The following GALNT14 variants were observed in gnomAD, a reference collection of about 807,000 sequenced individuals.
GALNT14 encodes the protein UDP-GalNAc:polypeptide N-acetylgalactosaminyltransferase 14.
A neutral mutation model predicts 77.5 loss-of-function variants in GALNT14; 60 were observed. The observed-to-expected ratio is 0.77, with a 90% CI of 0.63 to 0.96. GALNT14 has a LOEUF of 0.96. Among genes scored for constraint, GALNT14 ranks in the 40% least tolerant of loss-of-function variants. The pLI is 0.00. For missense variants in GALNT14, 710 were observed against 731.0 expected (o/e 0.97, Z 0.33); for synonymous variants, 280 against 281.7 (o/e 0.99, Z 0.06).
At chr2:30,964,962 T>C (rs1461530355) in intron 3 of GALNT14, among the ~76,000 whole-genome samples, 1 of 152,182 alleles carries the variant, frequency 6.6e-6, no homozygotes, top group Non-Finnish European at 1.5e-5. Flanking sequence ...GTGTGCTCTC[T>C]GACCCATGTT....
At chr2:31,041,954 G>A (rs1673119433) in intron 1 of GALNT14, among the ~76,000 whole-genome samples, 1 of 152,126 alleles carries the variant, frequency 6.6e-6, no homozygotes, top group Non-Finnish European at 1.5e-5. Context: ...GGGTAAAACA[G>A]GAAGCACAGG....
At chr2:31,115,316 T>C (rs963839547) in intron 1 of GALNT14, among the ~76,000 whole-genome samples, 1 of 151,962 alleles carries the variant, frequency 6.6e-6, no homozygotes, top group Non-Finnish European at 1.5e-5. Flanking sequence ...TTGCCAAGTG[T>C]CCGAGGCAGA....
chr2:30,998,716 T>C (rs1670184407), intron 1 of GALNT14, among the ~76,000 whole-genome samples: 1 of 152,228 alleles, frequency 6.6e-6, no homozygotes, highest in South Asian at 2.1e-4. Context: ...TCCCAAGTCC[T>C]GTGTCTGATA....
At chr2:30,973,615 GAAA>G (rs36024756) in intron 2 of GALNT14, among the ~76,000 whole-genome samples, 15 of 152,086 alleles carry the variant, frequency 9.9e-5, no homozygotes, top group African/African-American at 3.4e-4. Flanking sequence ...CTTTAGAAGA[GAAA>G]AATGCAAGCA....
intron 1 of GALNT14, among the ~76,000 whole-genome samples, chr2:31,096,908 T>G (rs1677029242): frequency 6.6e-6 from 1 of 152,106 alleles, no homozygotes. Context: ...GGAATCCAGG[T>G]CCCCACTTTA....
intron 1 of GALNT14, among the ~76,000 whole-genome samples, chr2:31,065,738 C>T (rs1015567135): frequency 4.1e-4 from 62 of 152,252 alleles, no homozygotes; most frequent in Non-Finnish European, 8.5e-4. Flanking sequence ...TGCTGGGGAG[C>T]CTCTGACCTT....
intron 1 of GALNT14, among the ~76,000 whole-genome samples, chr2:31,015,019 G>A (rs981117799): frequency 2.0e-5 from 3 of 152,182 alleles, no homozygotes; most frequent in Non-Finnish European, 4.4e-5. Context: ...GCCGGGCACC[G>A]TGGCTCATGC....
At chr2:30,992,178 G>A (rs144011750) in intron 2 of GALNT14, among the ~76,000 whole-genome samples, 44 of 152,216 alleles carry the variant, frequency 2.9e-4, no homozygotes, top group African/African-American at 1.1e-3. Flanking sequence ...ATAAAGGGTC[G>A]GTCGTGAGGC....
intron 1 of GALNT14, among the ~76,000 whole-genome samples, chr2:31,137,216 C>G (rs974362044): frequency 6.6e-6 from 1 of 152,262 alleles, no homozygotes; most frequent in South Asian, 2.1e-4. Flanking sequence ...GAAGTTTTCC[C>G]TTTCCCCCTA....
chr2:30,946,863 G>A (rs1346363276), intron 6 of GALNT14, among the ~76,000 whole-genome samples: 1 of 152,142 alleles, frequency 6.6e-6, no homozygotes, highest in Non-Finnish European at 1.5e-5. Flanking sequence ...CGACTTCCCT[G>A]TTAGCTTCCA....
intron 1 of GALNT14, chr2:31,125,021 C>A: frequency 1.6e-6 from 1 of 643,858 alleles, no homozygotes. Flanking sequence ...CTGCTGGATG[C>A]AACTTCTCTC....
downstream of GALNT14, among the ~76,000 whole-genome samples, chr2:30,909,946 A>G (rs150645365): frequency 0.047 from 7,117 of 151,738 alleles, 535 homozygotes; most frequent in African/African-American, 0.16. Context: ...CATTCTCAGT[A>G]AACTATCGCA....
chr2:30,902,360 C>T, the GALNT14 span, among the ~76,000 whole-genome samples: 2 of 152,170 alleles, frequency 1.3e-5, no homozygotes, highest in African/African-American at 4.8e-5. Context: ...AGTTTTGAAC[C>T]TCCATTTTCC....
At chr2:31,027,265 C>T (rs973337620) in intron 1 of GALNT14, among the ~76,000 whole-genome samples, 24 of 152,084 alleles carry the variant, frequency 1.6e-4, no homozygotes, top group African/African-American at 5.1e-4. Context: ...AACCTCACAT[C>T]TATTAAATAC....
intron 1 of GALNT14, among the ~76,000 whole-genome samples, chr2:31,062,768 A>G (rs1222461742): frequency 6.6e-6 from 1 of 151,270 alleles, no homozygotes; most frequent in Non-Finnish European, 1.5e-5. Flanking sequence ...CTGGAATGAG[A>G]TGGTATCTCA....
At chr2:30,989,491 C>G (rs1669521376) in intron 2 of GALNT14, among the ~76,000 whole-genome samples, 1 of 148,018 alleles carries the variant, frequency 6.8e-6, no homozygotes, top group African/African-American at 2.5e-5. Flanking sequence ...TATCAGCCTA[C>G]CCACATACCC....
chr2:31,119,344 A>C (rs1678268656), intron 1 of GALNT14, among the ~76,000 whole-genome samples: 1 of 152,226 alleles, frequency 6.6e-6, no homozygotes, highest in African/African-American at 2.4e-5. Flanking sequence ...TAACATGCAA[A>C]GAGCTCTTTT....
intron 6 of GALNT14, among the ~76,000 whole-genome samples, chr2:30,949,528 C>T (rs1666903060): frequency 1.3e-5 from 2 of 152,166 alleles, no homozygotes; most frequent in Admixed American, 6.5e-5. Context: ...CTCTCCCCTC[C>T]TCCAAGCAAA....
rs114339283 is a variant in GALNT14 at position 30,927,309 on chromosome 2, T to C, written c.1151+2086A>G. ...ATGCAGACTAGTTTGGGAATCTCCTTGGTAGAACCTTGCTCCTCAAATTGT... is the reference window on the plus strand; with the variant it reads ...ATGCAGACTAGTTTGGGAATCTCCTCGGTAGAACCTTGCTCCTCAAATTGT... On this transcript the variant is annotated intron_variant, in intron 11 of 14. Coordinates refer to ENST00000349752, the MANE Select transcript of GALNT14 (RefSeq NM_024572.4). Among the ~76,000 whole-genome samples the C allele has an allele frequency of 4.7e-3, 717 of 152,344 alleles. 5 individuals are homozygous for C. The highest frequency in any genetic ancestry group is 0.016 in the African/African-American group (683 of 41,594).
Sources: allele counts gnomAD v4.1 joint callset (sites outside exome capture counted in the v4.1 genomes callset), GRCh38; gene constraint gnomAD v4.1.1; transcripts MANE v1.5; gene names NCBI Gene and HGNC (gene_info 2026-07-23, HGNC 2026-07-21).